RBFOX1: variants seen among roughly 807,000 people sequenced by gnomAD.
RBFOX1 encodes the protein RNA binding protein fox-1 homolog 1.
Under a neutral mutation model 57.7 loss-of-function variants are expected in RBFOX1, and 8 were observed. The ratio of observed to expected loss-of-function variants is 0.14; its 90% CI spans 0.08 to 0.25. The LOEUF is 0.25. RBFOX1 is among the 10% of genes least tolerant of loss of function. RBFOX1 has a pLI of 1.00. For missense variants in RBFOX1, 611 were observed against 548.5 expected, an observed-to-expected ratio of 1.11 and a Z score of -1.14; for synonymous variants, 326 against 222.4, an observed-to-expected ratio of 1.47 and a Z score of -4.15.
At chr16:5,357,393 A>T (rs1567380846) in intron 1 of RBFOX1, among the ~76,000 whole-genome samples, 1 of 152,232 alleles carries the variant, frequency 6.6e-6, no homozygotes, top group Non-Finnish European at 1.5e-5. Flanking sequence ...GCAGGTGCAG[A>T]GGATAGCCAT....
chr16:5,249,262 G>C (rs2151073972), intron 1 of RBFOX1, among the ~76,000 whole-genome samples: 1 of 152,254 alleles, frequency 6.6e-6, no homozygotes, highest in Non-Finnish European at 1.5e-5. Context: ...GGAAGGATGG[G>C]GTGCCCTGGT....
chr16:5,992,871 A>C (rs1325116252), intron 4 of RBFOX1, among the ~76,000 whole-genome samples: 2 of 152,158 alleles, frequency 1.3e-5, no homozygotes, highest in East Asian at 3.9e-4. Flanking sequence ...GAGGTGGAAG[A>C]GGTTGCAGTG....
intron 4 of RBFOX1, among the ~76,000 whole-genome samples, chr16:7,446,687 C>G (rs891135533): frequency 1.3e-5 from 2 of 151,968 alleles, no homozygotes; most frequent in Non-Finnish European, 2.9e-5. Flanking sequence ...GTTGGGCAAC[C>G]CCATAGAGCA....
intron 1 of RBFOX1, among the ~76,000 whole-genome samples, chr16:5,373,179 C>G (rs1025921808): frequency 6.6e-6 from 1 of 152,166 alleles, no homozygotes; most frequent in East Asian, 1.9e-4. Flanking sequence ...ACAGCTGCTG[C>G]AGCATTCCTT....
chr16:5,478,136 C>T (rs2069396432), intron 2 of RBFOX1, among the ~76,000 whole-genome samples: 1 of 152,146 alleles, frequency 6.6e-6, no homozygotes, highest in Non-Finnish European at 1.5e-5. Flanking sequence ...GATTCCGCAG[C>T]CAAATGTTAT....
At chr16:6,485,158 C>T (rs186773079) in intron 2 of RBFOX1, among the ~76,000 whole-genome samples, 7 of 152,304 alleles carry the variant, frequency 4.6e-5, no homozygotes, top group Non-Finnish European at 7.4e-5. Flanking sequence ...AGCTGCTTGC[C>T]ACTCAGGCTC....
At chr16:7,456,957 C>T (rs151170021) in intron 4 of RBFOX1, among the ~76,000 whole-genome samples, 1 of 151,844 alleles carries the variant, frequency 6.6e-6, no homozygotes, top group Non-Finnish European at 1.5e-5. Context: ...ATGGCGCGAT[C>T]CCGGCTCACT....
intron 3 of RBFOX1, among the ~76,000 whole-genome samples, chr16:6,970,381 T>C (rs1215867657): frequency 2.0e-5 from 3 of 152,324 alleles, no homozygotes; most frequent in African/African-American, 7.2e-5. Flanking sequence ...AGACAGGTAG[T>C]GCAGTTCCCT....
At chr16:6,449,225 T>C (rs745632814) in intron 2 of RBFOX1, among the ~76,000 whole-genome samples, 1 of 152,234 alleles carries the variant, frequency 6.6e-6, no homozygotes, top group Non-Finnish European at 1.5e-5. Flanking sequence ...GATGGCTCTG[T>C]ATTAAAATCT....
intron 4 of RBFOX1, among the ~76,000 whole-genome samples, chr16:5,925,938 A>C (rs1269076382): frequency 6.6e-6 from 1 of 152,138 alleles, no homozygotes; most frequent in African/African-American, 2.4e-5. Flanking sequence ...CCGTAGACTA[A>C]ACATGCAGTG....
chr16:6,138,707 A>T (rs1490474636), intron 1 of RBFOX1, among the ~76,000 whole-genome samples: 2 of 152,066 alleles, frequency 1.3e-5, no homozygotes, highest in Non-Finnish European at 2.9e-5. Flanking sequence ...CTCTACTGAA[A>T]ATACAAAAAA....
At chr16:6,600,808 A>C (rs2097843983) in intron 2 of RBFOX1, among the ~76,000 whole-genome samples, 1 of 151,910 alleles carries the variant, frequency 6.6e-6, no homozygotes, top group South Asian at 2.1e-4. Context: ...AGTCAATGTA[A>C]GAAAAAAAAG....
chr16:6,193,396 A>ATATATATATACACATTATATATATATAC (rs2097157511), intron 1 of RBFOX1, among the ~76,000 whole-genome samples: 2 of 31,796 alleles, frequency 6.3e-5, no homozygotes, highest in African/African-American at 2.0e-4. Context: ...TATATACTAT[A>ATATATATATACACATTATATATATATAC]TATATATATA....
intron 4 of RBFOX1, among the ~76,000 whole-genome samples, chr16:7,234,058 G>A (rs12929434): frequency 0.1 from 15,273 of 152,082 alleles, 1,073 homozygotes; most frequent in East Asian, 0.19. Flanking sequence ...GAGAAGAGAG[G>A]GGTTGCATGG....
rs139726646 is a variant in RBFOX1, at chr16:6,855,203, C to T, written c.-15-196854C>T. Among the ~76,000 whole-genome samples the T allele has an allele frequency of 3.7e-3, 564 of 151,918 alleles. 1 individual carries two copies. The highest frequency in any genetic ancestry group is 5.9e-3 in the Admixed American group (90 of 15,240). On this transcript the variant is annotated intron_variant, in intron 3 of 15. Transcript: ENST00000550418. ...GATATCCCCAGTACCCAATATAGTACCTGGCAAAATGATAAGCATGCAGTG... is the reference window on the plus strand; with the variant it reads ...GATATCCCCAGTACCCAATATAGTATCTGGCAAAATGATAAGCATGCAGTG...
At chr16:7,347,778 C>G (rs1290423019) in intron 4 of RBFOX1, among the ~76,000 whole-genome samples, 1 of 152,164 alleles carries the variant, frequency 6.6e-6, no homozygotes, top group Non-Finnish European at 1.5e-5. Flanking sequence ...CCCGAGACCC[C>G]CATGTATTTG....
chr16:7,480,417 C>A (rs752118002), intron 4 of RBFOX1, among the ~76,000 whole-genome samples: 5 of 152,208 alleles, frequency 3.3e-5, no homozygotes, highest in Non-Finnish European at 7.3e-5. Context: ...CAGAAAATTT[C>A]TCGTTTCCAC....
chr16:7,236,503 C>G (rs1211224867), intron 4 of RBFOX1, among the ~76,000 whole-genome samples: 1 of 152,142 alleles, frequency 6.6e-6, no homozygotes, highest in Non-Finnish European at 1.5e-5. Context: ...GCATCCATCC[C>G]ATTGCCATTA....
chr16:7,311,998 G>A (rs973352992), intron 4 of RBFOX1, among the ~76,000 whole-genome samples: 1 of 152,186 alleles, frequency 6.6e-6, no homozygotes, highest in African/African-American at 2.4e-5. Context: ...ATTTCATACT[G>A]TTCTTTGTGA....
Sources: gnomAD v4.1 joint callset for allele counts (sites outside exome capture counted in the v4.1 genomes callset) on GRCh38, gnomAD v4.1.1 for gene constraint, MANE v1.5 for transcripts, NCBI Gene and HGNC (gene_info 2026-07-23, HGNC 2026-07-21) for gene names.